Variants in SLC12A8 observed in about 807,000 individuals in gnomAD.
SLC12A8 encodes the protein cation-chloride cotransporter 9.
SLC12A8 carries 69 observed loss-of-function variants against 75.6 expected under a neutral mutation model. The observed-to-expected ratio is 0.91, with a 90% CI of 0.75 to 1.11. SLC12A8 has a LOEUF of 1.11. Ranked by LOEUF, SLC12A8 falls within the 50% of genes most tolerant of loss-of-function variation. The pLI is 0.00. For synonymous variants in SLC12A8, 365 were observed against 372.8 expected, an observed-to-expected ratio of 0.98 and a Z score of 0.24; for missense variants, 877 against 896.7, an observed-to-expected ratio of 0.98 and a Z score of 0.28.
At chr3:125,161,510 A>T (rs564566008) in intron 5 of SLC12A8, among the ~76,000 whole-genome samples, 1 of 152,268 alleles carries the variant, frequency 6.6e-6, no homozygotes, top group African/African-American at 2.4e-5. Flanking sequence ...ACTGACCTGC[A>T]GGAATATCTG....
intron 2 of SLC12A8, among the ~76,000 whole-genome samples, chr3:125,200,742 G>A (rs1935103587): frequency 6.6e-6 from 1 of 152,126 alleles, no homozygotes; most frequent in African/African-American, 2.4e-5. Flanking sequence ...TTTTAAATTT[G>A]TTTTTGCTTT....
At chr3:125,173,724 G>A (rs1401017724) in intron 5 of SLC12A8, among the ~76,000 whole-genome samples, 1 of 152,184 alleles carries the variant, frequency 6.6e-6, no homozygotes, top group Non-Finnish European at 1.5e-5. Context: ...ACCAACCACA[G>A]ACTGGGGAGA....
chr3:125,189,154 G>A (rs1004953573), intron 3 of SLC12A8, among the ~76,000 whole-genome samples: 7 of 152,170 alleles, frequency 4.6e-5, no homozygotes, highest in East Asian at 1.9e-4. Context: ...GGTGGGCCTC[G>A]TCTAATCAGT....
At chr3:125,097,931 T>C (rs947815053) in intron 10 of SLC12A8, among the ~76,000 whole-genome samples, 6 of 152,130 alleles carry the variant, frequency 3.9e-5, no homozygotes, top group South Asian at 2.1e-4. Context: ...CAAACAAGCA[T>C]GCATCGTGCA....
At chr3:125,125,627 A>G (rs1383116917) in intron 6 of SLC12A8, among the ~76,000 whole-genome samples, 1 of 152,212 alleles carries the variant, frequency 6.6e-6, no homozygotes, top group Non-Finnish European at 1.5e-5. Context: ...GTGATACCCT[A>G]GCGATCATCT....
intron 2 of SLC12A8, among the ~76,000 whole-genome samples, 197 bp from the exon 3 acceptor site, chr3:125,190,718 C>T (rs1446608428): frequency 6.6e-6 from 1 of 152,250 alleles, no homozygotes; most frequent in Non-Finnish European, 1.5e-5. Context: ...TTGAAGCATA[C>T]CTCTACAAAA....
At chr3:125,191,299 A>AT (rs1934904553) in intron 2 of SLC12A8, among the ~76,000 whole-genome samples, 1 of 152,232 alleles carries the variant, frequency 6.6e-6, no homozygotes, top group Non-Finnish European at 1.5e-5. Flanking sequence ...ATAAACACTC[A>AT]AATGGAAACC....
chr3:125,107,948 G>T lies in SLC12A8; in HGVS notation c.1238C>A (p.Thr413Asn), dbSNP rs1168268648. The T allele has an allele frequency of 1.9e-6, 3 of 1,614,190 alleles. No individual in the cohort carries two copies. The highest frequency in any genetic ancestry group is 2.5e-6 in the Non-Finnish European group (3 of 1,180,024). ...CCTGAGCACCGGCTCAGGCACCGGG[G>T]TCAGGCTGCAGGAACACATGGACAG... The part of the protein sequence containing the change: ...FSLSMCSCSL[T>N]PVPEPVLREG... Residue 413 changes from threonine (T) to asparagine (N), a missense_variant, in exon 10 of 14, where the codon ACC (threonine) becomes AAC (asparagine). Coordinates refer to ENST00000469902, the MANE Select transcript of SLC12A8 (RefSeq NM_024628.6).
At chr3:125,173,998 A>G (rs114267974) in intron 5 of SLC12A8, among the ~76,000 whole-genome samples, 2 of 151,454 alleles carry the variant, frequency 1.3e-5, no homozygotes, top group East Asian at 3.9e-4. Context: ...AGGCTGAGGC[A>G]TAAGAATTGC....
chr3:125,121,004 G>T (rs1198770908), intron 6 of SLC12A8: 1 of 648,300 alleles, frequency 1.5e-6, no homozygotes, highest in African/African-American at 1.8e-5. Flanking sequence ...GAGGTCCTGC[G>T]CTGCCTGCTG....
intron 5 of SLC12A8, among the ~76,000 whole-genome samples, chr3:125,140,653 C>A (rs1933607869): frequency 6.6e-6 from 1 of 152,200 alleles, no homozygotes. Context: ...ATCTACCACA[C>A]TGACCCTCTG....
At chr3:125,111,970 T>C (rs2107745241) in intron 8 of SLC12A8, among the ~76,000 whole-genome samples, 1 of 152,328 alleles carries the variant, frequency 6.6e-6, no homozygotes, top group South Asian at 2.1e-4. Flanking sequence ...GCCCTGTGGA[T>C]GGATTCTCAC....
chr3:125,179,733 A>AGAGAGAGAGAGAGAG (rs1560077720), intron 4 of SLC12A8, among the ~76,000 whole-genome samples: 35 of 134,982 alleles, frequency 2.6e-4, no homozygotes, highest in African/African-American at 1.1e-3. Flanking sequence ...GAGAGAGAGA[A>AGAGAGAGAGAGAGAG]AGAGAAAGAC....
At chr3:125,150,633 G>C (rs750360725) in intron 5 of SLC12A8, among the ~76,000 whole-genome samples, 1 of 152,114 alleles carries the variant, frequency 6.6e-6, no homozygotes, top group Non-Finnish European at 1.5e-5. Flanking sequence ...TGTTCTCAGA[G>C]AACATTGCAA....
intron 5 of SLC12A8, among the ~76,000 whole-genome samples, chr3:125,147,337 G>C (rs1933802823): frequency 1.3e-5 from 2 of 152,218 alleles, no homozygotes; most frequent in Admixed American, 6.5e-5. Flanking sequence ...TGCAGCTTCA[G>C]GCTGCACTCC....
intron 5 of SLC12A8, among the ~76,000 whole-genome samples, chr3:125,136,634 T>C (rs567828220): frequency 6.6e-6 from 1 of 152,208 alleles, no homozygotes; most frequent in Non-Finnish European, 1.5e-5. Flanking sequence ...CTCTTAGATC[T>C]CTCAGCCTAT....
In SLC12A8 at chr3:125,152,568, C is replaced by T. The variant is rs1437126598; in HGVS notation, c.623-16786G>A. On this transcript the variant is annotated intron_variant, in intron 5 of 13. Coordinates refer to ENST00000469902, the MANE Select transcript of SLC12A8 (RefSeq NM_024628.6). ...AAAATAATAAAACCCCAAAATTATT[C>T]TCTACAATATCCAGTAAGTGCTGAT... Among the ~76,000 whole-genome samples the T allele has an allele frequency of 3.9e-5, 6 of 152,150 alleles. No homozygotes were observed. The South Asian group carries it at 1.0e-3, about 26-fold the overall frequency.
chr3:125,102,900 G>A (rs963438690), intron 10 of SLC12A8, among the ~76,000 whole-genome samples: 1 of 152,210 alleles, frequency 6.6e-6, no homozygotes, highest in Non-Finnish European at 1.5e-5. Flanking sequence ...GGTGCTGGCA[G>A]GGAGCAGCCC....
chr3:125,128,984 A>T (rs1219541924), intron 6 of SLC12A8, among the ~76,000 whole-genome samples: 2 of 152,224 alleles, frequency 1.3e-5, no homozygotes, highest in Non-Finnish European at 2.9e-5. Flanking sequence ...GAGAGGAGTC[A>T]GGCCCAGGGA....
Sources: gnomAD v4.1 joint callset for allele counts (sites outside exome capture counted in the v4.1 genomes callset) on GRCh38, gnomAD v4.1.1 for gene constraint, MANE v1.5 for transcripts, NCBI Gene and HGNC (gene_info 2026-07-23, HGNC 2026-07-21) for gene names.